The following EML5 variants were observed in gnomAD, a reference collection of about 807,000 sequenced individuals.
The protein encoded by EML5 is EMAP like 5, also known as echinoderm microtubule-associated protein-like 5.
A neutral mutation model predicts 250.0 loss-of-function variants in EML5; 120 were observed. The ratio of observed to expected loss-of-function variants is 0.48; its 90% CI spans 0.41 to 0.56. The LOEUF (loss-of-function observed/expected upper bound fraction) is 0.56, where lower values mean the gene tolerates loss of function less well. EML5 is among the 20% of genes least tolerant of loss of function. The pLI, the probability that EML5 is intolerant of heterozygous loss-of-function variation, is 0.00. For missense variants in EML5, 2,006 were observed against 2,437.6 expected (o/e 0.82, Z 3.73); for synonymous variants, 771 against 806.5 (o/e 0.96, Z 0.75).
At chr14:88,734,376 G>C (rs955753595) in intron 7 of EML5, among the ~76,000 whole-genome samples, 3 of 152,030 alleles carry the variant, frequency 2.0e-5, no homozygotes, top group African/African-American at 7.2e-5. Flanking sequence ...TAAAATGATA[G>C]ATTTAGGCCA....
intron 10 of EML5, among the ~76,000 whole-genome samples, chr14:88,709,857 C>A (rs1180576358): frequency 6.6e-6 from 1 of 152,126 alleles, no homozygotes; most frequent in African/African-American, 2.4e-5. Flanking sequence ...TAAAGCTACA[C>A]GCAACAATAT....
chr14:88,680,927 C>CA (rs1450964736), intron 21 of EML5, among the ~76,000 whole-genome samples: 2 of 151,432 alleles, frequency 1.3e-5, no homozygotes, highest in East Asian at 1.9e-4. Flanking sequence ...AAAACCAAAA[C>CA]AAAAAAACAA....
chr14:88,691,217 G>A (rs1375023510), intron 17 of EML5, among the ~76,000 whole-genome samples: 3 of 152,190 alleles, frequency 2.0e-5, no homozygotes, highest in Non-Finnish European at 4.4e-5. Flanking sequence ...CACTGGGGTA[G>A]TGAAGCTCAC....
chr14:88,643,453 G>A (rs1003101874), intron 30 of EML5, among the ~76,000 whole-genome samples: 4 of 152,044 alleles, frequency 2.6e-5, no homozygotes, highest in African/African-American at 4.8e-5. Flanking sequence ...CACTGTATTA[G>A]GTATCATAAG....
At chr14:88,777,902 G>A (rs1178500824) in intron 1 of EML5, among the ~76,000 whole-genome samples, 1 of 152,234 alleles carries the variant, frequency 6.6e-6, no homozygotes, top group Non-Finnish European at 1.5e-5. Context: ...CTGAGCCTGG[G>A]AAGTCAAGGC....
At chr14:88,773,852 C>A (rs1243892725) in intron 1 of EML5, among the ~76,000 whole-genome samples, 3 of 152,144 alleles carry the variant, frequency 2.0e-5, no homozygotes, top group Non-Finnish European at 2.9e-5. Flanking sequence ...GGCATAGTGG[C>A]TCATGCCTGT....
chr14:88,780,729 T>A (rs1445337127), intron 1 of EML5, among the ~76,000 whole-genome samples: 2 of 152,104 alleles, frequency 1.3e-5, no homozygotes, highest in Admixed American at 1.3e-4. Flanking sequence ...GCGCGCGCCA[T>A]CATGCCCAGC....
At chr14:88,688,581 T>C in intron 17 of EML5, 108 bp from the exon 18 acceptor site, 1 of 1,109,282 alleles carries the variant, frequency 9.0e-7, no homozygotes, top group Non-Finnish European at 1.3e-6. Context: ...TAGTAAGGCA[T>C]GCAACAGTAA....
Position 88,613,538 on chromosome 14 carries a change from C to T in EML5, c.*2280G>A, listed in dbSNP as rs1482497813. 1 of 151,828 alleles carries T rather than the reference C, an allele frequency of 6.6e-6. No individual in the cohort carries two copies. The highest frequency in any genetic ancestry group is 1.5e-5 in the Non-Finnish European group (1 of 67,980). The allele number at this position is 151,828 out of a possible 1,614,324, so 9.4% of individuals were successfully genotyped here. Reference sequence around the variant, plus strand: ...TTTTTTGCTATTTAATAGCCACTGCCCAGACACATATTTAAGAGTTTAATC... The same window carrying T: ...TTTTTTGCTATTTAATAGCCACTGCTCAGACACATATTTAAGAGTTTAATC... On this transcript the variant is annotated 3_prime_UTR_variant, in exon 44 of 44. Coordinates refer to ENST00000554922, the MANE Select transcript of EML5 (RefSeq NM_183387.3).
chr14:88,789,035 C>A (rs555673295), intron 1 of EML5, among the ~76,000 whole-genome samples: 41 of 151,714 alleles, frequency 2.7e-4, no homozygotes, highest in African/African-American at 9.9e-4. Context: ...TGCACTATAG[C>A]CTGTGTGACG....
chr14:88,732,051 C>T (rs2093767772), intron 7 of EML5, among the ~76,000 whole-genome samples: 2 of 152,114 alleles, frequency 1.3e-5, no homozygotes, highest in South Asian at 4.1e-4. Context: ...TTTTGCTGTG[C>T]AGAAGCTCTT....
intron 1 of EML5, among the ~76,000 whole-genome samples, chr14:88,768,803 A>G (rs1269428090): frequency 2.0e-5 from 3 of 152,194 alleles, no homozygotes; most frequent in Non-Finnish European, 4.4e-5. Context: ...TTATTTATTT[A>G]ACCCATCTAT....
Position 88,681,885 on chromosome 14 carries a change from C to T in EML5, c.3124+5G>A. 1 of 1,604,162 alleles carries T rather than the reference C, an allele frequency of 6.2e-7. No homozygotes were observed. The stretch of plus-strand genomic sequence containing the variant: ...AATCTACGTTCAAGTGTGAGAGCCT[C>T]TTACCCTTTTTCAGCTTCCGGACAG... On this transcript the variant is annotated splice_donor_5th_base_variant and intron_variant, in intron 21 of 43. Transcript: ENST00000554922.
At chr14:88,789,357 C>T (rs1263519243) in intron 1 of EML5, among the ~76,000 whole-genome samples, 1 of 152,074 alleles carries the variant, frequency 6.6e-6, no homozygotes. Context: ...CCATATAAAC[C>T]AGTTACTAAG....
Position 88,618,271 on chromosome 14 carries a change from C to T in EML5, c.5599G>A (p.Asp1867Asn). 1.2e-6 allele frequency: 2 copies of T among 1,613,768 alleles called. No homozygotes were observed. Among genetic ancestry groups the T allele is most frequent in the East Asian group, 2.2e-5 (1 of 44,862 alleles). Residue 1867 changes from aspartate to asparagine, a missense_variant, in exon 41 of 44, where the codon GAT becomes AAT. By Grantham distance (23) the Asp-to-Asn change is conservative. Around this residue, in one of 7 missense-constraint regions of EML5, gnomAD observed 405 missense variants for 523.3 expected, o/e 0.77. Transcript: ENST00000554922. ...YEVPSGKHLM[D>N]HAAIDRITWA... ...GTAATTCTGTCAATAGCGGCATGAT[C>T]CATAAGATGTTTTCCTGAAGGCACT...
intron 8 of EML5, among the ~76,000 whole-genome samples, chr14:88,717,419 C>G (rs2093514705): frequency 6.6e-6 from 1 of 152,074 alleles, no homozygotes; most frequent in South Asian, 2.1e-4. Context: ...TGAGGTTAAG[C>G]TAGGATAAGA....
At chr14:88,615,944 C>T (rs915477592) in intron 43 of EML5, 90 bp from the exon 44 acceptor site, 76 of 1,449,950 alleles carry the variant, frequency 5.2e-5, no homozygotes, top group South Asian at 3.3e-4. Flanking sequence ...TTTCAGGTTA[C>T]ATGTGTAATA....
rs1208749369 is a variant in EML5 at position 88,621,092 on chromosome 14, A to T, written c.5202+21T>A. On this transcript the variant is annotated intron_variant, in intron 38 of 43. Coordinates refer to ENST00000554922, the MANE Select transcript of EML5 (RefSeq NM_183387.3). ...CTTTTTAGAAGTTGTAACCTCTTTT[A>T]AAAAAATTATCTGTACTTACTTTAT... 31 of 1,598,578 alleles carry T rather than the reference A, an allele frequency of 1.9e-5. No homozygotes were observed. The East Asian group carries it at 3.1e-4, about 16-fold the overall frequency.
In EML5 at chr14:88,616,195, A is replaced by C; in HGVS notation, c.5844T>G (p.Ile1948Met). The change falls in exon 43 of 44, where the codon ATT becomes ATG. Residue 1948 changes from isoleucine to methionine, a missense_variant. Ile to Met is a conservative substitution (Grantham distance 10, BLOSUM62 1). Transcript: ENST00000554922. ...FLGHSPHVTNIRFTSGDRHVV... is the reference protein window; with the variant it reads ...FLGHSPHVTNMRFTSGDRHVV... ...CATGTCGATCACCACTGGTAAATCG[A>C]ATATTTGTCACATGGGGCGAATGAC... is the stretch of plus-strand genomic sequence containing the variant. The C allele has an allele frequency of 6.2e-7, 1 of 1,613,950 alleles. No individual in the cohort carries two copies. Among genetic ancestry groups the C allele is most frequent in the Non-Finnish European group, 8.5e-7 (1 of 1,179,826 alleles).
Sources: gnomAD v4.1 joint callset for allele counts (sites outside exome capture counted in the v4.1 genomes callset) on GRCh38, gnomAD v4.1.1 for gene constraint, gnomAD v4.1.1 regional missense constraint, MANE v1.5 for transcripts, NCBI Gene and HGNC (gene_info 2026-07-23, HGNC 2026-07-21) for gene names.